Variants in NEBL observed in about 807,000 individuals in gnomAD.
The protein encoded by NEBL is LIM and SH3 protein 2.
Under a neutral mutation model 140.2 loss-of-function variants are expected in NEBL, and 122 were observed. The observed-to-expected ratio is 0.87, with a 90% confidence interval of 0.75 to 1.01. The LOEUF is 1.01. NEBL is among the 50% of genes least tolerant of loss of function. The pLI is 0.00. For synonymous variants in NEBL, 436 were observed against 398.9 expected, an observed-to-expected ratio of 1.09 and a Z score of -1.11; for missense variants, 1,365 against 1,231.3, an observed-to-expected ratio of 1.11 and a Z score of -1.62.
chr10:20,980,051 C>CA lies in NEBL; in HGVS notation c.250-18273dup, dbSNP rs61096067. ...ATTCTTTTAAAGTGTCTCATTTCCA[C>CA]AAAAAAAAAAAAACAAACCATAAAA... On this transcript the variant is annotated intron_variant, in intron 3 of 6. Transcript: ENST00000417816. 3.7e-3 allele frequency among the ~76,000 whole-genome samples: 443 copies of CA among 121,100 alleles called. 1 individual carries two copies. The highest frequency in any genetic ancestry group is 5.1e-3 in the East Asian group (19 of 3,690). 79.4% of individuals were successfully genotyped at this position (121,100 alleles called of 152,430 possible).
chr10:20,818,820 C>T, intron 20 of NEBL: 1 of 988,848 alleles, frequency 1.0e-6, no homozygotes, highest in Non-Finnish European at 1.2e-6. Flanking sequence ...ATTTCCTGGA[C>T]ACGCAGTTCA....
chr10:20,883,715 C>T (rs1588935433), intron 4 of NEBL, among the ~76,000 whole-genome samples: 1 of 152,120 alleles, frequency 6.6e-6, no homozygotes, highest in Admixed American at 6.5e-5. Flanking sequence ...TAAATGTAAC[C>T]AATGCAGCTG....
chr10:20,883,167 A>G (rs1327449180), intron 4 of NEBL, among the ~76,000 whole-genome samples: 1 of 152,172 alleles, frequency 6.6e-6, no homozygotes, highest in African/African-American at 2.4e-5. Flanking sequence ...ATCACCTCCC[A>G]CATGTTAAAC....
upstream of NEBL, among the ~76,000 whole-genome samples, chr10:20,901,053 T>C (rs1244601904): frequency 6.6e-6 from 1 of 151,876 alleles, no homozygotes; most frequent in Non-Finnish European, 1.5e-5. Context: ...TTAAAAATAG[T>C]GGAGCCCCTC....
intron 3 of NEBL, among the ~76,000 whole-genome samples, chr10:21,000,243 G>A (rs1041913098): frequency 6.6e-6 from 1 of 151,106 alleles, no homozygotes; most frequent in Non-Finnish European, 1.5e-5. Context: ...GGGGGCAGAG[G>A]GAGCTGCAGC....
chr10:20,810,963 G>A (rs1036758404), intron 24 of NEBL, among the ~76,000 whole-genome samples: 3 of 152,126 alleles, frequency 2.0e-5, no homozygotes, highest in African/African-American at 7.2e-5. Flanking sequence ...CTTGGCCAAG[G>A]TTACACAGCT....
chr10:21,060,689 A>G (rs1263929172), intron 2 of NEBL, among the ~76,000 whole-genome samples: 1 of 151,678 alleles, frequency 6.6e-6, no homozygotes, highest in African/African-American at 2.4e-5. Flanking sequence ...AAACCTCTCT[A>G]TGCTTGCCTT....
At chr10:21,142,425 C>T (rs897777944) in intron 2 of NEBL, among the ~76,000 whole-genome samples, 6 of 152,036 alleles carry the variant, frequency 3.9e-5, no homozygotes, top group Non-Finnish European at 5.9e-5. Flanking sequence ...GCAAAACTAC[C>T]CATTCAGGGT....
intron 4 of NEBL, among the ~76,000 whole-genome samples, chr10:20,960,270 G>A (rs1463235969): frequency 1.3e-5 from 2 of 152,094 alleles, no homozygotes; most frequent in African/African-American, 4.8e-5. Flanking sequence ...GTTATTAAAT[G>A]TAACTGCCAG....
intron 1 of NEBL, among the ~76,000 whole-genome samples, chr10:21,283,807 C>T (rs1843021712): frequency 6.6e-6 from 1 of 151,908 alleles, no homozygotes; most frequent in African/African-American, 2.4e-5. Flanking sequence ...GATAAGGGAC[C>T]TGAGCTGAAT....
intron 2 of NEBL, among the ~76,000 whole-genome samples, chr10:21,154,311 T>C (rs1840253919): frequency 6.6e-6 from 1 of 151,746 alleles, no homozygotes; most frequent in Non-Finnish European, 1.5e-5. Flanking sequence ...ATACAAAAAT[T>C]AGCCAAGCAT....
intron 2 of NEBL, among the ~76,000 whole-genome samples, chr10:21,031,565 A>C (rs1273582560): frequency 1.3e-5 from 2 of 152,194 alleles, no homozygotes; most frequent in Admixed American, 6.5e-5. Flanking sequence ...CCAAAACAAA[A>C]ATGTTAACAG....
intron 4 of NEBL, among the ~76,000 whole-genome samples, chr10:20,941,669 G>A (rs1215357445): frequency 6.6e-6 from 1 of 151,666 alleles, no homozygotes; most frequent in Non-Finnish European, 1.5e-5. Context: ...TGACATGATT[G>A]TATATCTAGA....
At chr10:21,008,628 TAATCAAAA>T (rs1015258639) in intron 3 of NEBL, among the ~76,000 whole-genome samples, 35 of 152,090 alleles carry the variant, frequency 2.3e-4, no homozygotes, top group Admixed American at 1.7e-3. Context: ...AGAATGGCCA[TAATCAAAA>T]AATCAAAAAA....
chr10:20,915,350 A>G, intron 4 of NEBL, among the ~76,000 whole-genome samples: 1 of 150,752 alleles, frequency 6.6e-6, no homozygotes, highest in Non-Finnish European at 1.5e-5. Context: ...GGTGCGCTGC[A>G]CCCACTAACT....
chr10:20,896,650 C>A (rs1457279651), intron 2 of NEBL, among the ~76,000 whole-genome samples: 2 of 151,670 alleles, frequency 1.3e-5, no homozygotes. Flanking sequence ...ATTTTAAAAT[C>A]TTTGGGGGTT....
intron 26 of NEBL, among the ~76,000 whole-genome samples, chr10:20,806,003 T>G (rs1430540690): frequency 6.6e-6 from 1 of 152,214 alleles, no homozygotes; most frequent in African/African-American, 2.4e-5. Flanking sequence ...CATCCATGTG[T>G]TACTCAAATT....
intron 3 of NEBL, among the ~76,000 whole-genome samples, chr10:21,210,976 T>C (rs1368586987): frequency 6.6e-6 from 1 of 152,198 alleles, no homozygotes; most frequent in African/African-American, 2.4e-5. Flanking sequence ...TCTAGGTTCT[T>C]TGGAAACACT....
At chr10:21,181,074 C>T (rs1841378699) in intron 3 of NEBL, among the ~76,000 whole-genome samples, 1 of 151,868 alleles carries the variant, frequency 6.6e-6, no homozygotes, top group Non-Finnish European at 1.5e-5. Context: ...CAAACCTGAC[C>T]AACATGGCAA....
Sources: allele counts gnomAD v4.1 joint callset (sites outside exome capture counted in the v4.1 genomes callset), GRCh38; gene constraint gnomAD v4.1.1; transcripts MANE v1.5; gene names NCBI Gene and HGNC (gene_info 2026-07-23, HGNC 2026-07-21).